Variants in ADAMTS17 observed in about 807,000 individuals in gnomAD.
The protein encoded by ADAMTS17 is A disintegrin and metalloproteinase with thrombospondin motifs 17.
In ADAMTS17, 113 loss-of-function variants were observed where a neutral mutation model predicts 141.5. The ratio of observed to expected loss-of-function variants is 0.80; its 90% confidence interval spans 0.69 to 0.93. The LOEUF (loss-of-function observed/expected upper bound fraction) is 0.93. Ranked by LOEUF, ADAMTS17 falls within the 40% of genes least tolerant of loss-of-function variation. ADAMTS17 has a pLI of 0.00. For synonymous variants in ADAMTS17, 768 were observed against 630.6 expected, an observed-to-expected ratio of 1.22 and a Z score of -3.27; for missense variants, 1,659 against 1,517.9, an observed-to-expected ratio of 1.09 and a Z score of -1.54.
intron 18 of ADAMTS17, among the ~76,000 whole-genome samples, chr15:100,012,165 T>G (rs1167797253): frequency 6.6e-6 from 1 of 152,240 alleles, no homozygotes; most frequent in Non-Finnish European, 1.5e-5. Context: ...ATTGTTTTCA[T>G]ATGTTTGTTG....
chr15:100,030,177 C>T (rs1346091278), intron 18 of ADAMTS17, among the ~76,000 whole-genome samples: 1 of 152,162 alleles, frequency 6.6e-6, no homozygotes, highest in African/African-American at 2.4e-5. Context: ...AAGCTCTCTC[C>T]CCCTGGCCAG....
At chr15:100,218,853 A>C (rs1373544121) in intron 7 of ADAMTS17, among the ~76,000 whole-genome samples, 1 of 152,138 alleles carries the variant, frequency 6.6e-6, no homozygotes. Flanking sequence ...ATAAGCAAGT[A>C]AACACGCACA....
intron 18 of ADAMTS17, among the ~76,000 whole-genome samples, chr15:100,032,997 C>T (rs2727180): frequency 0.1 from 15,506 of 152,118 alleles, 2,065 homozygotes; most frequent in African/African-American, 0.31. Flanking sequence ...AATACAATTT[C>T]TGAGTTTTAA....
At chr15:100,017,865 G>T (rs773610602) in intron 18 of ADAMTS17, among the ~76,000 whole-genome samples, 17 of 152,148 alleles carry the variant, frequency 1.1e-4, no homozygotes, top group Non-Finnish European at 2.4e-4. Context: ...CATGCTAGTA[G>T]GTGTGAAGTG....
At chr15:100,169,698 C>T (rs2040086213) in intron 8 of ADAMTS17, among the ~76,000 whole-genome samples, 1 of 152,304 alleles carries the variant, frequency 6.6e-6, no homozygotes, top group African/African-American at 2.4e-5. Context: ...CACGTGGAGG[C>T]TGGGAGCCCT....
chr15:100,254,852 G>T (rs562019607), intron 6 of ADAMTS17, among the ~76,000 whole-genome samples: 232 of 152,282 alleles, frequency 1.5e-3, no homozygotes, highest in Middle Eastern at 3.4e-3. Context: ...CGGGGGAGGC[G>T]GGGTGAAGGA....
At chr15:100,203,107 C>T (rs1301907747) in intron 7 of ADAMTS17, among the ~76,000 whole-genome samples, 1 of 152,202 alleles carries the variant, frequency 6.6e-6, no homozygotes, top group African/African-American at 2.4e-5. Flanking sequence ...CTCGACCCTC[C>T]CTTGCTTGGC....
Position 99,974,374 on chromosome 15 carries a change from AGCTTTGAGCGACCCTTG to A in ADAMTS17, c.*11_*27del. ...TGGGTGGGTTTCAGACCTGAGTCTGAGCTTTGAGCGACCCTTGGGACTGCGTGTCACGAGTTCGGCGG... is the reference window on the plus strand; with the variant it reads ...TGGGTGGGTTTCAGACCTGAGTCTGAGGACTGCGTGTCACGAGTTCGGCGG... On this transcript the variant is annotated 3_prime_UTR_variant, in exon 22 of 22. Transcript: ENST00000268070. The A allele has an allele frequency of 4.3e-6, 7 of 1,613,748 alleles. No individual in the cohort carries two copies. The highest frequency in any genetic ancestry group is 5.9e-6 in the Non-Finnish European group (7 of 1,180,002).
chr15:100,206,667 T>C (rs1051933823), intron 7 of ADAMTS17, among the ~76,000 whole-genome samples: 2 of 152,116 alleles, frequency 1.3e-5, no homozygotes, highest in African/African-American at 2.4e-5. Flanking sequence ...AAGTGTGGTA[T>C]GTTTTGGCTA....
chr15:100,201,236 T>C (rs904297050), intron 7 of ADAMTS17, among the ~76,000 whole-genome samples: 3 of 152,122 alleles, frequency 2.0e-5, no homozygotes, highest in Admixed American at 1.3e-4. Flanking sequence ...GGGAAGTGAT[T>C]GGATCATGGG....
rs768536089 is a variant in ADAMTS17, at chr15:100,132,054, T to A, written c.1674A>T (p.Thr558=). 6.2e-7 allele frequency: 1 copy of A among 1,613,888 alleles called. No homozygotes were observed. Among genetic ancestry groups the A allele is most frequent in the Non-Finnish European group, 8.5e-7 (1 of 1,179,766 alleles). The change falls in exon 12 of 22, where the codon ACA becomes ACT. Residue 558 remains threonine, a synonymous_variant. Transcript: ENST00000268070. ...PWGAWSMCSR[T]CGTGARFRQR... is the part of the protein sequence containing the mutation. ...GCCTGAAGCGGGCTCCCGTCCCACA[T>A]GTTCGGCTGCACATGCTCCAGGCGC...
At chr15:100,109,606 G>C (rs1229726202) in intron 13 of ADAMTS17, among the ~76,000 whole-genome samples, 1 of 152,114 alleles carries the variant, frequency 6.6e-6, no homozygotes, top group Non-Finnish European at 1.5e-5. Flanking sequence ...TGACAGTCGA[G>C]CTGTGCTTTG....
intron 10 of ADAMTS17, among the ~76,000 whole-genome samples, chr15:100,144,514 C>T (rs537528537): frequency 6.6e-6 from 1 of 152,002 alleles, no homozygotes; most frequent in African/African-American, 2.4e-5. Context: ...TGTGCCACTG[C>T]TCTCCAGCCT....
intron 18 of ADAMTS17, among the ~76,000 whole-genome samples, chr15:100,038,792 T>A (rs939987037): frequency 1.3e-5 from 2 of 152,236 alleles, no homozygotes; most frequent in South Asian, 2.1e-4. Context: ...TATTCAAACA[T>A]GGATGCATTT....
chr15:100,078,017 A>ATC (rs371730949), intron 15 of ADAMTS17, among the ~76,000 whole-genome samples: 3 of 152,174 alleles, frequency 2.0e-5, no homozygotes, highest in African/African-American at 7.2e-5. Flanking sequence ...ATCAAAAAGA[A>ATC]ACACTTAGGA....
At chr15:100,128,119 T>C (rs11632279) in intron 12 of ADAMTS17, among the ~76,000 whole-genome samples, 55,831 of 151,870 alleles carry the variant, frequency 0.37, 10,726 homozygotes, top group South Asian at 0.43. Context: ...GTGGTGCTAT[T>C]TACTGAGAGG....
Position 100,261,574 on chromosome 15 carries a change from G to T in ADAMTS17, c.936C>A (p.Asn312Lys). Reference sequence around the variant, plus strand: ...GGTATCGCGCTCCTCCATACTCCTCGTTCTGCCAGTGACAGAAGCTCTCCA... The same window carrying T: ...GGTATCGCGCTCCTCCATACTCCTCTTTCTGCCAGTGACAGAAGCTCTCCA... ...RSLESFCHWQ[N>K]EEYGGARYLG... The change falls in exon 6 of 22, where the codon AAC becomes AAA. Residue 312 changes from asparagine (N) to lysine (K), a missense_variant. Physicochemically the swap from Asn to Lys is moderately conservative, Grantham distance 94. Transcript: ENST00000268070. 1.2e-6 allele frequency: 2 copies of T among 1,614,098 alleles called. No homozygotes were observed. Among genetic ancestry groups the T allele is most frequent in the Non-Finnish European group, 1.7e-6 (2 of 1,180,022 alleles).
chr15:100,027,889 G>A (rs556263348), intron 18 of ADAMTS17, among the ~76,000 whole-genome samples: 2 of 152,320 alleles, frequency 1.3e-5, no homozygotes, highest in South Asian at 4.1e-4. Context: ...GAGTGGGCTG[G>A]GGAGTAGAAT....
At chr15:100,144,826 A>AG (rs937663033) in intron 10 of ADAMTS17, among the ~76,000 whole-genome samples, 1 of 150,904 alleles carries the variant, frequency 6.6e-6, no homozygotes, top group Non-Finnish European at 1.5e-5. Context: ...CCCTCCTGCC[A>AG]GGGAACAGTG....
Sources: gnomAD v4.1 joint callset for allele counts (sites outside exome capture counted in the v4.1 genomes callset) on GRCh38, gnomAD v4.1.1 for gene constraint, MANE v1.5 for transcripts, NCBI Gene and HGNC (gene_info 2026-07-23, HGNC 2026-07-21) for gene names.